TMEM163: variants seen among roughly 807,000 people sequenced by gnomAD.
The protein encoded by TMEM163 is transmembrane protein 163.
TMEM163 carries 17 observed loss-of-function variants against 29.3 expected under a neutral mutation model. That is an observed-to-expected ratio of 0.58 (90% CI 0.40 to 0.87). The LOEUF (loss-of-function observed/expected upper bound fraction) is 0.87. Ranked by LOEUF, TMEM163 falls within the 40% of genes least tolerant of loss-of-function variation. The probability of loss-of-function intolerance (pLI) is 0.00; values close to 1 mark genes in which losing one functional copy is unlikely to be tolerated. For synonymous variants in TMEM163, 157 were observed against 160.6 expected, an observed-to-expected ratio of 0.98 and a Z score of 0.17; for missense variants, 303 against 381.5, an observed-to-expected ratio of 0.79 and a Z score of 1.71.
chr2:134,618,055 A>T (rs926468554), intron 2 of TMEM163, among the ~76,000 whole-genome samples: 5 of 152,190 alleles, frequency 3.3e-5, no homozygotes, highest in Non-Finnish European at 5.9e-5. Flanking sequence ...TTGAGGCTGC[A>T]GTGAGCCATG....
At chr2:134,553,910 G>A (rs1680988869) in intron 2 of TMEM163, among the ~76,000 whole-genome samples, 1 of 152,216 alleles carries the variant, frequency 6.6e-6, no homozygotes, top group African/African-American at 2.4e-5. Flanking sequence ...CACCGAGGCG[G>A]CCTATAAAAC....
At chr2:134,678,948 C>G (rs546159140) in intron 2 of TMEM163, among the ~76,000 whole-genome samples, 57 of 152,316 alleles carry the variant, frequency 3.7e-4, no homozygotes, top group Non-Finnish European at 7.2e-4. Context: ...TTTCACCAAG[C>G]AGAAAATCTC....
chr2:134,630,518 C>T (rs1347939553), intron 2 of TMEM163, among the ~76,000 whole-genome samples: 1 of 152,130 alleles, frequency 6.6e-6, no homozygotes, highest in Non-Finnish European at 1.5e-5. Flanking sequence ...GCCCCCAATG[C>T]TAGAATGGGA....
intron 5 of TMEM163, among the ~76,000 whole-genome samples, chr2:134,496,093 G>A (rs1035561294): frequency 8.8e-5 from 13 of 148,532 alleles, no homozygotes; most frequent in South Asian, 2.1e-4. Flanking sequence ...ACGGAGTCTC[G>A]CTCTGTCACC....
chr2:134,533,955 C>A (rs533954973), intron 4 of TMEM163, among the ~76,000 whole-genome samples: 3 of 152,270 alleles, frequency 2.0e-5, no homozygotes, highest in African/African-American at 7.2e-5. Flanking sequence ...TACTCAGTGA[C>A]CTTCCTTGGC....
At chr2:134,462,911 A>G (rs35778869) in intron 6 of TMEM163, among the ~76,000 whole-genome samples, 5,710 of 152,310 alleles carry the variant, frequency 0.037, 167 homozygotes, top group South Asian at 0.13. Context: ...CCAGGTGTCC[A>G]GCGAATGAGG....
At chr2:134,624,999 A>C (rs190910511) in intron 2 of TMEM163, among the ~76,000 whole-genome samples, 1 of 152,296 alleles carries the variant, frequency 6.6e-6, no homozygotes, top group Admixed American at 6.5e-5. Flanking sequence ...GTAGTTACTT[A>C]GTGTATGTAT....
At chr2:134,685,294 CA>C (rs1684329879) in intron 2 of TMEM163, among the ~76,000 whole-genome samples, 1 of 152,210 alleles carries the variant, frequency 6.6e-6, no homozygotes, top group African/African-American at 2.4e-5. Context: ...CCACCACTCA[CA>C]ATTCTCTTGC....
At chr2:134,532,770 TATCA>T (rs2106499760) in intron 4 of TMEM163, among the ~76,000 whole-genome samples, 1 of 152,322 alleles carries the variant, frequency 6.6e-6, no homozygotes, top group African/African-American at 2.4e-5. Flanking sequence ...TTCATGTGCA[TATCA>T]AATAGGTGAG....
chr2:134,502,823 C>A (rs1390440238), intron 5 of TMEM163, 78 bp downstream of exon 5: 5 of 1,315,358 alleles, frequency 3.8e-6, no homozygotes, highest in African/African-American at 2.9e-5. Flanking sequence ...CGACTCCACC[C>A]GGGAACCCTG....
chr2:134,484,206 G>A (rs182797380), intron 5 of TMEM163, among the ~76,000 whole-genome samples: 1 of 152,190 alleles, frequency 6.6e-6, no homozygotes, highest in East Asian at 1.9e-4. Flanking sequence ...CAGGGTCTGA[G>A]TGCCTAGCAC....
chr2:134,584,350 C>A (rs1003782367), intron 2 of TMEM163, among the ~76,000 whole-genome samples: 3 of 152,158 alleles, frequency 2.0e-5, no homozygotes, highest in African/African-American at 7.2e-5. Flanking sequence ...AGACTCACTG[C>A]CCAGCCATGG....
chr2:134,616,804 T>A (rs1682617771), intron 2 of TMEM163, among the ~76,000 whole-genome samples: 2 of 152,316 alleles, frequency 1.3e-5, no homozygotes, highest in South Asian at 4.1e-4. Flanking sequence ...TCCCTGTATA[T>A]CTTTTTTGCA....
chr2:134,536,789 T>C (rs1329326056), intron 4 of TMEM163, among the ~76,000 whole-genome samples: 2 of 152,146 alleles, frequency 1.3e-5, no homozygotes, highest in African/African-American at 4.8e-5. Context: ...AAAGGAACTA[T>C]ACAAAAACCC....
chr2:134,543,989 T>C (rs552435908), intron 4 of TMEM163, among the ~76,000 whole-genome samples: 3 of 152,248 alleles, frequency 2.0e-5, no homozygotes, highest in Non-Finnish European at 4.4e-5. Flanking sequence ...GCTGTCCAGG[T>C]GAACAACATC....
intron 2 of TMEM163, among the ~76,000 whole-genome samples, chr2:134,701,855 T>G (rs886885551): frequency 6.9e-6 from 1 of 145,098 alleles, no homozygotes; most frequent in African/African-American, 2.6e-5. Context: ...GAGGCGGAGG[T>G]TGCAGACAGC....
chr2:134,665,645 C>T (rs932955752), intron 2 of TMEM163, among the ~76,000 whole-genome samples: 2 of 152,172 alleles, frequency 1.3e-5, no homozygotes, highest in African/African-American at 4.8e-5. Flanking sequence ...GTACACAGCA[C>T]ACCCACCACC....
At chr2:134,635,289 T>C (rs1039006838) in intron 2 of TMEM163, among the ~76,000 whole-genome samples, 1 of 152,202 alleles carries the variant, frequency 6.6e-6, no homozygotes, top group Non-Finnish European at 1.5e-5. Context: ...CAATGCTCAG[T>C]AGACGGCTCT....
At chr2:134,679,113 T>A (rs1184309985) in intron 2 of TMEM163, among the ~76,000 whole-genome samples, 1 of 152,192 alleles carries the variant, frequency 6.6e-6, no homozygotes, top group Non-Finnish European at 1.5e-5. Context: ...AGGCCAGGCC[T>A]CAGCCCTTTC....
Sources: allele counts gnomAD v4.1 joint callset (sites outside exome capture counted in the v4.1 genomes callset), GRCh38; gene constraint gnomAD v4.1.1; transcripts MANE v1.5; gene names NCBI Gene and HGNC (gene_info 2026-07-23, HGNC 2026-07-21).